GHR: variants seen among roughly 807,000 people sequenced by gnomAD.
GHR encodes growth hormone receptor.
In GHR, 35 loss-of-function variants were observed where a neutral mutation model predicts 67.1. The ratio of observed to expected loss-of-function variants is 0.52; its 90% CI spans 0.40 to 0.69. The LOEUF is 0.69. GHR is among the 30% of genes least tolerant of loss of function. The pLI, the probability that GHR is intolerant of heterozygous loss-of-function variation, is 0.00. For synonymous variants in GHR, 272 were observed against 269.1 expected, an observed-to-expected ratio of 1.01 and a Z score of -0.10; for missense variants, 792 against 764.6, an observed-to-expected ratio of 1.04 and a Z score of -0.42.
chr5:42,635,009 A>AC (rs1554029764), intron 3 of GHR, among the ~76,000 whole-genome samples: 3 of 149,152 alleles, frequency 2.0e-5, no homozygotes, highest in African/African-American at 4.9e-5. Context: ...ACCAAAAACA[A>AC]AAAAAAAAAA....
intron 2 of GHR, among the ~76,000 whole-genome samples, chr5:42,589,339 A>G (rs747233906): frequency 6.6e-6 from 1 of 152,222 alleles, no homozygotes; most frequent in African/African-American, 2.4e-5. Context: ...CTTTGAAAAT[A>G]TGCCCTATTG....
At position 42,710,993 on chromosome 5, in the gene GHR, T is replaced by A. The variant is rs114263303; in HGVS notation, c.619-214T>A. ...TAAGCAAGTCTATCATATCTTTGGG[T>A]TTATGCCAAACTAAATTTGTGAACT... is the stretch of plus-strand genomic sequence containing the variant. On this transcript the variant is annotated intron_variant, in intron 6 of 9. Transcript: ENST00000230882. 9.2e-3 allele frequency among the ~76,000 whole-genome samples: 1,400 copies of A among 152,268 alleles called. 21 individuals carry two copies. Among genetic ancestry groups the A allele is most frequent in the African/African-American group, 0.032 (1,337 of 41,564 alleles).
At chr5:42,455,039 T>C (rs1744203747) in intron 1 of GHR, among the ~76,000 whole-genome samples, 2 of 152,186 alleles carry the variant, frequency 1.3e-5, no homozygotes, top group Non-Finnish European at 2.9e-5. Context: ...GGGTTTGAGC[T>C]GGAGACTGGG....
Position 42,452,331 on chromosome 5 carries a change from T to C in GHR, c.-12+28376T>C, listed in dbSNP as rs976473454. Among the ~76,000 whole-genome samples the C allele has an allele frequency of 2.6e-5, 4 of 152,190 alleles. No homozygotes were observed. The East Asian group carries it at 7.7e-4, about 29-fold the overall frequency. Reference sequence around the variant, plus strand: ...GATGCTTTTGTCTCACAGCTCTTGATTTTTTCCTTTGTCTTGACTTTAGAT... The same window carrying C: ...GATGCTTTTGTCTCACAGCTCTTGACTTTTTCCTTTGTCTTGACTTTAGAT... On this transcript the variant is annotated intron_variant, in intron 1 of 9. Transcript: ENST00000230882.
intron 1 of GHR, among the ~76,000 whole-genome samples, chr5:42,540,864 C>T (rs1424186394): frequency 6.6e-6 from 1 of 152,120 alleles, no homozygotes; most frequent in Non-Finnish European, 1.5e-5. Context: ...ATATTTCATG[C>T]ATTATCTATC....
chr5:42,596,476 C>T (rs969031752), intron 2 of GHR, among the ~76,000 whole-genome samples: 1 of 152,182 alleles, frequency 6.6e-6, no homozygotes, highest in East Asian at 1.9e-4. Flanking sequence ...GCTGCTCTGC[C>T]TTTTCACACT....
At position 42,720,693 on chromosome 5, in the gene GHR, T is replaced by C. The variant is rs1758976625; in HGVS notation, c.*1269T>C. The C allele has an allele frequency of 6.6e-6, 1 of 152,184 alleles. No individual in the cohort carries two copies. 9.4% of individuals were successfully genotyped at this position (152,184 alleles called of 1,614,324 possible). A position where few individuals can be genotyped will look rare whatever the true frequency, so the allele number is the denominator to read the frequency against. On this transcript the variant is annotated 3_prime_UTR_variant, in exon 10 of 10. Coordinates refer to ENST00000230882, the MANE Select transcript of GHR (RefSeq NM_000163.5). The stretch of plus-strand genomic sequence containing the variant: ...GAACATAGACAGAAGAAACAAGGTT[T>C]TCAGTCCCCACAGATAACTGAAAAT...
Position 42,664,735 on chromosome 5 carries a change from T to C in GHR, c.137-24155T>C, listed in dbSNP as rs548715986. On this transcript the variant is annotated intron_variant, in intron 3 of 9. Transcript: ENST00000230882. Reference sequence around the variant, plus strand: ...AAAGCAATGGCAACAAAAGCAAAAATTGACAAATGGGGTCTAATTAAACTA... The same window carrying C: ...AAAGCAATGGCAACAAAAGCAAAAACTGACAAATGGGGTCTAATTAAACTA... Among the ~76,000 whole-genome samples the C allele has an allele frequency of 2.6e-5, 4 of 152,240 alleles. No homozygotes were observed. The East Asian group carries it at 5.8e-4, about 22-fold the overall frequency.
In GHR at chr5:42,686,222, T is replaced by G. The variant is rs946902279; in HGVS notation, c.137-2668T>G. Reference sequence around the variant, plus strand: ...GAATCCTTTCCCCATTGCTTGTTTTTGTCAGGTTTGTCAAAGATCAAATGG... The same window carrying G: ...GAATCCTTTCCCCATTGCTTGTTTTGGTCAGGTTTGTCAAAGATCAAATGG... On this transcript the variant is annotated intron_variant, in intron 3 of 9. Transcript: ENST00000230882. Among the ~76,000 whole-genome samples the G allele has an allele frequency of 5.3e-5, 8 of 152,296 alleles. 1 individual carries two copies. The highest frequency in any genetic ancestry group is 5.2e-4 in the Admixed American group (8 of 15,300).
At chr5:42,625,095 G>T (rs982253779) in intron 2 of GHR, among the ~76,000 whole-genome samples, 4 of 152,070 alleles carry the variant, frequency 2.6e-5, no homozygotes, top group Non-Finnish European at 4.4e-5. Flanking sequence ...CAGCTGAAAG[G>T]CTGCTTCCCA....
chr5:42,665,305 T>C (rs1344497164), intron 3 of GHR, among the ~76,000 whole-genome samples: 3 of 152,220 alleles, frequency 2.0e-5, no homozygotes, highest in Non-Finnish European at 4.4e-5. Context: ...ACACTATGTT[T>C]ATTGCGGCAC....
intron 3 of GHR, among the ~76,000 whole-genome samples, chr5:42,632,367 C>T (rs1753969595): frequency 6.6e-6 from 1 of 152,160 alleles, no homozygotes. Context: ...CCATGCTGGT[C>T]TGAGAGAGGT....
At chr5:42,445,580 T>C (rs1743775290) in intron 1 of GHR, among the ~76,000 whole-genome samples, 1 of 152,224 alleles carries the variant, frequency 6.6e-6, no homozygotes. Context: ...GACTGTGCTT[T>C]TCTGTGGCTT....
At chr5:42,558,243 A>T (rs1401609647) in intron 1 of GHR, among the ~76,000 whole-genome samples, 1 of 152,188 alleles carries the variant, frequency 6.6e-6, no homozygotes, top group Non-Finnish European at 1.5e-5. Context: ...TCTTTAGTGA[A>T]TTTTTTGTCC....
chr5:42,718,351 G>A (rs1339612489), intron 9 of GHR, 102 bp from the exon 10 acceptor site: 1 of 911,334 alleles, frequency 1.1e-6, no homozygotes, highest in Non-Finnish European at 1.8e-6. Flanking sequence ...TGTTACTGTT[G>A]TTCTTATTGT....
intron 1 of GHR, among the ~76,000 whole-genome samples, chr5:42,525,851 C>T (rs1002166374): frequency 2.0e-5 from 3 of 152,136 alleles, no homozygotes; most frequent in African/African-American, 4.8e-5. Flanking sequence ...TTTTCTCTTG[C>T]CGCCACCATG....
chr5:42,576,794 T>G (rs1750771374), intron 2 of GHR, among the ~76,000 whole-genome samples: 1 of 152,214 alleles, frequency 6.6e-6, no homozygotes, highest in South Asian at 2.1e-4. Flanking sequence ...CTACTCTAGT[T>G]CCTGTGCTTC....
chr5:42,517,510 T>C (rs1357326244), intron 1 of GHR, among the ~76,000 whole-genome samples: 1 of 152,158 alleles, frequency 6.6e-6, no homozygotes, highest in Non-Finnish European at 1.5e-5. Context: ...CAAAAGGGAA[T>C]AGCATGCATG....
At chr5:42,443,822 C>A (rs568113485) in intron 1 of GHR, among the ~76,000 whole-genome samples, 123 of 152,138 alleles carry the variant, frequency 8.1e-4, no homozygotes, top group Non-Finnish European at 1.4e-3. Flanking sequence ...GATTGGAGGG[C>A]AGTTTACTTT....
Sources: gnomAD v4.1 joint callset for allele counts (sites outside exome capture counted in the v4.1 genomes callset) on GRCh38, gnomAD v4.1.1 for gene constraint, MANE v1.5 for transcripts, NCBI Gene and HGNC (gene_info 2026-07-23, HGNC 2026-07-21) for gene names.